Variants in ZFAT observed in about 807,000 individuals in gnomAD.
ZFAT encodes zinc finger and AT-hook domain containing.
In ZFAT, 64 loss-of-function variants were observed where a neutral mutation model predicts 117.7. The observed-to-expected ratio is 0.54, with a 90% CI of 0.44 to 0.67. The LOEUF (loss-of-function observed/expected upper bound fraction) is 0.67, where lower values mean the gene tolerates loss of function less well. Ranked by LOEUF, ZFAT falls within the 30% of genes least tolerant of loss-of-function variation. The probability of loss-of-function intolerance (pLI) is 0.00; values close to 1 mark genes in which losing one functional copy is unlikely to be tolerated. For synonymous variants in ZFAT, 679 were observed against 615.0 expected (o/e 1.10, Z -1.54); for missense variants, 1,433 against 1,584.5 (o/e 0.90, Z 1.62).
chr8:134,586,169 A>G (rs1254049679), intron 9 of ZFAT, among the ~76,000 whole-genome samples: 3 of 152,184 alleles, frequency 2.0e-5, no homozygotes, highest in Non-Finnish European at 4.4e-5. Flanking sequence ...GAGAGGAAAA[A>G]AAAGATGCCA....
intron 2 of ZFAT, among the ~76,000 whole-genome samples, chr8:134,638,501 C>T (rs922553674): frequency 9.8e-4 from 143 of 146,368 alleles, no homozygotes; most frequent in Middle Eastern, 3.7e-3. Context: ...GTCAGGAGAT[C>T]GAGACTATCC....
the ZFAT span, among the ~76,000 whole-genome samples, chr8:134,718,100 G>C: frequency 6.6e-6 from 1 of 152,194 alleles, no homozygotes; most frequent in Admixed American, 6.5e-5. Flanking sequence ...GCATTTCGAA[G>C]TTACATTCGA....
intron 10 of ZFAT, among the ~76,000 whole-genome samples, chr8:134,579,537 A>G (rs1035748983): frequency 2.6e-5 from 4 of 152,200 alleles, no homozygotes; most frequent in African/African-American, 9.7e-5. Context: ...TCCCTCCCAC[A>G]TCACATGAGA....
chr8:134,810,666 A>T, the ZFAT span, among the ~76,000 whole-genome samples: 1 of 152,196 alleles, frequency 6.6e-6, no homozygotes, highest in East Asian at 1.9e-4. Flanking sequence ...CCAGTTTCCC[A>T]ATCTGTAAAA....
intron 12 of ZFAT, among the ~76,000 whole-genome samples, chr8:134,523,480 A>T (rs1171603969): frequency 6.6e-6 from 1 of 152,162 alleles, no homozygotes; most frequent in African/African-American, 2.4e-5. Flanking sequence ...AGATGGGAGC[A>T]ACCAGCTCCT....
chr8:134,497,907 T>G (rs1489205559), intron 15 of ZFAT, among the ~76,000 whole-genome samples: 2 of 138,186 alleles, frequency 1.4e-5, no homozygotes, highest in Admixed American at 7.1e-5. Context: ...TTGGTAGGGT[T>G]GGGGTGGAGC....
At chr8:134,698,627 C>G (rs1411213062) in intron 1 of ZFAT, among the ~76,000 whole-genome samples, 2 of 152,154 alleles carry the variant, frequency 1.3e-5, no homozygotes, top group Non-Finnish European at 2.9e-5. Flanking sequence ...GTCAGACGGT[C>G]AGGTGAATCG....
intron 15 of ZFAT, among the ~76,000 whole-genome samples, chr8:134,499,191 C>G (rs1818743270): frequency 7.6e-6 from 1 of 131,948 alleles, no homozygotes; most frequent in Non-Finnish European, 1.6e-5. Context: ...CACACAGAGC[C>G]TGATTTGGGA....
intron 9 of ZFAT, among the ~76,000 whole-genome samples, chr8:134,584,212 T>C (rs1223174194): frequency 6.6e-6 from 1 of 152,192 alleles, no homozygotes; most frequent in Non-Finnish European, 1.5e-5. Flanking sequence ...TATGCCTTCG[T>C]CCTGGGATGC....
the ZFAT span, among the ~76,000 whole-genome samples, chr8:134,732,463 A>T: frequency 1.3e-5 from 2 of 152,152 alleles, no homozygotes; most frequent in African/African-American, 2.4e-5. Flanking sequence ...CCATTCTCCT[A>T]TCAGGAGCCA....
intron 1 of ZFAT, among the ~76,000 whole-genome samples, chr8:134,704,322 C>T (rs188658886): frequency 5.9e-5 from 9 of 152,290 alleles, no homozygotes; most frequent in Admixed American, 5.9e-4. Context: ...AGATTACAGA[C>T]CCAGGGCTGC....
chr8:134,790,381 G>C, the ZFAT span, among the ~76,000 whole-genome samples: 1 of 152,156 alleles, frequency 6.6e-6, no homozygotes, highest in Admixed American at 6.5e-5. Flanking sequence ...ATTTCCTTTA[G>C]CCTGCAGAAC....
At chr8:134,734,874 G>C in the ZFAT span, among the ~76,000 whole-genome samples, 1 of 152,218 alleles carries the variant, frequency 6.6e-6, no homozygotes, top group East Asian at 1.9e-4. Flanking sequence ...TGGAAGGGCA[G>C]TGTAACCTAA....
At chr8:134,751,901 C>T in the ZFAT span, among the ~76,000 whole-genome samples, 2 of 152,202 alleles carry the variant, frequency 1.3e-5, no homozygotes, top group African/African-American at 4.8e-5. Context: ...TCCCTCGATA[C>T]ACTATGAAAT....
intron 2 of ZFAT, among the ~76,000 whole-genome samples, chr8:134,645,609 C>T (rs903848368): frequency 1.3e-5 from 2 of 152,172 alleles, no homozygotes; most frequent in African/African-American, 4.8e-5. Context: ...TGGACTACCA[C>T]CATAACATGC....
At chr8:134,730,837 A>C in the ZFAT span, among the ~76,000 whole-genome samples, 1 of 152,234 alleles carries the variant, frequency 6.6e-6, no homozygotes, top group Non-Finnish European at 1.5e-5. Flanking sequence ...AAGAAGCTAG[A>C]AATATTCTGG....
chr8:134,581,102 T>C (rs1825682687), intron 10 of ZFAT, among the ~76,000 whole-genome samples: 1 of 152,056 alleles, frequency 6.6e-6, no homozygotes. Flanking sequence ...GCAAGAGATG[T>C]AAATAAACTT....
chr8:134,602,972 T>G, intron 5 of ZFAT, 39 bp from the exon 6 acceptor site: 1 of 1,564,060 alleles, frequency 6.4e-7, no homozygotes, highest in South Asian at 1.2e-5. Context: ...CTGGAGACCT[T>G]GAATGTTCCT....
At chr8:134,615,194 G>A (rs1473144410) in intron 3 of ZFAT, among the ~76,000 whole-genome samples, 1 of 152,134 alleles carries the variant, frequency 6.6e-6, no homozygotes, top group East Asian at 1.9e-4. Flanking sequence ...TGGAACCAGT[G>A]CTCTGGACAC....
Sources: gnomAD v4.1 joint callset for allele counts (sites outside exome capture counted in the v4.1 genomes callset) on GRCh38, gnomAD v4.1.1 for gene constraint, MANE v1.5 for transcripts, NCBI Gene and HGNC (gene_info 2026-07-23, HGNC 2026-07-21) for gene names.